The following FAT1 variants were observed in gnomAD, a reference collection of about 807,000 sequenced individuals.
FAT1 encodes FAT atypical cadherin 1, also known as protocadherin Fat 1.
FAT1 carries 171 observed loss-of-function variants against 329.8 expected under a neutral mutation model. That is an observed-to-expected ratio of 0.52 (90% CI 0.46 to 0.59). The LOEUF (loss-of-function observed/expected upper bound fraction) is 0.59, where lower values mean the gene tolerates loss of function less well. FAT1 is among the 20% of genes least tolerant of loss of function. The pLI is 0.00. For missense variants in FAT1, 5,672 were observed against 5,774.4 expected, an observed-to-expected ratio of 0.98 and a Z score of 0.57; for synonymous variants, 2,233 against 2,228.6, an observed-to-expected ratio of 1.00 and a Z score of -0.06.
chr4:186,610,662 T>TTATATAATTTATA lies in FAT1; in HGVS notation c.9854-660_9854-648dup, dbSNP rs1739385421. On this transcript the variant is annotated intron_variant, in intron 14 of 26. Transcript: ENST00000441802. Reference sequence around the variant, plus strand: ...TTTATATAATTTATATAAATATAAATTATATAATTTATATAAATATAAATT... The same window carrying TTATATAATTTATA: ...TTTATATAATTTATATAAATATAAATTATATAATTTATATATATAATTTATATAAATATAAATT... Among the ~76,000 whole-genome samples the TTATATAATTTATA allele has an allele frequency of 1.5e-3, 67 of 43,668 alleles. 1 individual carries two copies. Among genetic ancestry groups the TTATATAATTTATA allele is most frequent in the African/African-American group, 6.1e-3 (65 of 10,656 alleles). The allele number at this position is 43,668 out of a possible 152,430, so 28.6% of individuals were successfully genotyped here.
chr4:186,611,898 A>G (rs1739466216), intron 13 of FAT1, 123 bp from the exon 14 acceptor site: 2 of 675,280 alleles, frequency 3.0e-6, no homozygotes, highest in Non-Finnish European at 4.9e-6. Flanking sequence ...ATCTTGGCTC[A>G]CTGCAACCTC....
In FAT1 at chr4:186,603,169, G is replaced by A. The variant is rs772033371; in HGVS notation, c.11350+7C>T. Reference sequence around the variant, plus strand: ...GACACCGACTTTCATACACTCATGTGCAGTACCTTTGCAGAGACACACCGC... The same window carrying A: ...GACACCGACTTTCATACACTCATGTACAGTACCTTTGCAGAGACACACCGC... On this transcript the variant is annotated splice_region_variant and intron_variant, in intron 19 of 26. Transcript: ENST00000441802. 29 of 1,613,350 alleles carry A rather than the reference G, an allele frequency of 1.8e-5. No individual in the cohort carries two copies. The highest frequency in any genetic ancestry group is 2.3e-5 in the Non-Finnish European group (27 of 1,179,606).
intron 2 of FAT1, among the ~76,000 whole-genome samples, chr4:186,687,218 TAAC>T (rs1371391717): frequency 2.6e-5 from 4 of 152,176 alleles, no homozygotes. Flanking sequence ...GCCACAAAAC[TAAC>T]AACCACTGTT....
chr4:186,649,749 T>C (rs1741546893), intron 3 of FAT1, among the ~76,000 whole-genome samples: 1 of 152,204 alleles, frequency 6.6e-6, no homozygotes, highest in East Asian at 1.9e-4. Context: ...TCCACCTCTG[T>C]CGTTTAAATT....
chr4:186,721,469 T>C (rs777896767), intron 1 of FAT1, among the ~76,000 whole-genome samples: 1 of 152,254 alleles, frequency 6.6e-6, no homozygotes, highest in Non-Finnish European at 1.5e-5. Flanking sequence ...CTTCAACTTC[T>C]ACATAATTTG....
intron 2 of FAT1, among the ~76,000 whole-genome samples, chr4:186,680,089 C>T (rs772222232): frequency 2.0e-5 from 3 of 152,284 alleles, no homozygotes; most frequent in East Asian, 1.9e-4. Context: ...TATCCCAACA[C>T]GACTGCAAAT....
chr4:186,646,807 G>C (rs1444144466), intron 3 of FAT1, among the ~76,000 whole-genome samples: 1 of 151,810 alleles, frequency 6.6e-6, no homozygotes, highest in Non-Finnish European at 1.5e-5. Context: ...CCCGTTCTCT[G>C]CTATGAGTCT....
Position 186,654,263 on chromosome 4 carries a change from A to G in FAT1, c.3580+9036T>C, listed in dbSNP as rs147077596. On this transcript the variant is annotated intron_variant, in intron 3 of 26. Coordinates refer to ENST00000441802, the MANE Select transcript of FAT1 (RefSeq NM_005245.4). Reference sequence around the variant, plus strand: ...ACCATCTCACAGGGCTCTTGTAAAGATGAAGTCTGTGGAAGCTGCTCGTAA... The same window carrying G: ...ACCATCTCACAGGGCTCTTGTAAAGGTGAAGTCTGTGGAAGCTGCTCGTAA... Among the ~76,000 whole-genome samples the G allele has an allele frequency of 3.7e-3, 560 of 152,342 alleles. 4 individuals are homozygous for G. Among genetic ancestry groups the G allele is most frequent in the African/African-American group, 0.012 (517 of 41,562 alleles).
rs543637454 is a variant in FAT1, at chr4:186,707,697, C to A, written c.2131G>T (p.Ala711Ser). The A allele has an allele frequency of 6.2e-7, 1 of 1,613,868 alleles. No individual in the cohort carries two copies. Among genetic ancestry groups the A allele is most frequent in the Non-Finnish European group, 8.5e-7 (1 of 1,179,862 alleles). ...GTGCTTCTAAACTGCGGTATGTGAGCATTGACAGAGTGAGAATCGAAGAAA... is the reference window on the plus strand; with the variant it reads ...GTGCTTCTAAACTGCGGTATGTGAGAATTGACAGAGTGAGAATCGAAGAAA... Reference protein sequence around the residue: ...DIFFDSHSVNAHIPQFRSTLP... With the variant: ...DIFFDSHSVNSHIPQFRSTLP... The change falls in exon 2 of 27, where the codon GCT becomes TCT. Residue 711 changes from alanine to serine, a missense_variant. Coordinates refer to ENST00000441802, the MANE Select transcript of FAT1 (RefSeq NM_005245.4).
chr4:186,710,873 A>C (rs529151657), intron 1 of FAT1, among the ~76,000 whole-genome samples: 1 of 152,352 alleles, frequency 6.6e-6, no homozygotes, highest in East Asian at 1.9e-4. Context: ...AGAGAAACTG[A>C]AGAAATGAAG....
rs749464438 is a variant in FAT1 at position 186,709,569 on chromosome 4, C to T, written c.259G>A (p.Glu87Lys). ...GDSENLFKAE[E>K]YILGDFCFLR... ...AAGCAAAAGTCTCCGAGAATGTACT[C>T]TTCAGCTTTGAACAGGTTTTCACTG... The change falls in exon 2 of 27, where the codon GAG becomes AAG. Residue 87 changes from glutamate to lysine, a missense_variant. Around this residue, in one of 2 missense-constraint regions of FAT1, gnomAD observed 3,966 missense variants for 3,915.2 expected, o/e 1.01. Transcript: ENST00000441802. 5 of 1,614,024 alleles carry T rather than the reference C, an allele frequency of 3.1e-6. No individual in the cohort carries two copies. The highest frequency in any genetic ancestry group is 4.2e-6 in the Non-Finnish European group (5 of 1,179,902).
chr4:186,666,549 T>C (rs1331385450), intron 2 of FAT1, among the ~76,000 whole-genome samples: 1 of 152,234 alleles, frequency 6.6e-6, no homozygotes, highest in Non-Finnish European at 1.5e-5. Flanking sequence ...ACAGGTGAAG[T>C]ATTATTAGAA....
At chr4:186,717,860 C>G (rs1042139088) in intron 1 of FAT1, among the ~76,000 whole-genome samples, 1 of 152,130 alleles carries the variant, frequency 6.6e-6, no homozygotes, top group Non-Finnish European at 1.5e-5. Flanking sequence ...ATCCTCCAAC[C>G]ACTTTCTCCT....
rs762496253 is a variant in FAT1 at position 186,614,238 on chromosome 4, G to A, written c.9182C>T (p.Thr3061Met). ...TTTTTCTGCACCTGAACCCAATAAC[G>A]TGTAAGTAATTTCAGCGTTAGAGCG... is the stretch of plus-strand genomic sequence containing the variant. ...DIRSNAEITYTLLGSGAEKFK... is the reference protein window; with the variant it reads ...DIRSNAEITYMLLGSGAEKFK... Residue 3061 changes from threonine (T) to methionine (M), a missense_variant, in exon 12 of 27, where the codon ACG (threonine) becomes ATG (methionine). Thr to Met is a moderately conservative substitution (Grantham distance 81). Around this residue, in one of 2 missense-constraint regions of FAT1, gnomAD observed 3,966 missense variants for 3,915.2 expected, o/e 1.01. Transcript: ENST00000441802. 23 of 1,601,206 alleles carry A rather than the reference G, an allele frequency of 1.4e-5. No individual in the cohort carries two copies. The highest frequency in any genetic ancestry group is 2.3e-5 in the South Asian group (2 of 87,876).
Position 186,621,200 on chromosome 4 carries a change from C to A in FAT1, c.5386G>T (p.Ala1796Ser), listed in dbSNP as rs1444414689. 1.2e-6 allele frequency: 2 copies of A among 1,613,890 alleles called. No individual in the cohort carries two copies. The highest frequency in any genetic ancestry group is 1.7e-6 in the Non-Finnish European group (2 of 1,179,894). The change falls in exon 10 of 27, where the codon GCA becomes TCA. Residue 1796 changes from alanine (A) to serine (S), a missense_variant. This residue lies in a region of FAT1 where 3,966 missense variants were observed against 3,915.2 expected (regional missense o/e 1.01). Transcript: ENST00000441802. ...TDRNVPLVIR[A>S]ADADKDSNAL... ...TTTGAGTCTTTATCAGCATCAGCTGCTCGAATCACCAGTGGGACATTCCTG... is the reference window on the plus strand; with the variant it reads ...TTTGAGTCTTTATCAGCATCAGCTGATCGAATCACCAGTGGGACATTCCTG...
intron 2 of FAT1, among the ~76,000 whole-genome samples, chr4:186,673,898 G>C (rs1742839554): frequency 6.6e-6 from 1 of 152,176 alleles, no homozygotes; most frequent in Admixed American, 6.5e-5. Flanking sequence ...GGCTTTTGTG[G>C]ATAAGCTCTA....
At chr4:186,600,418 C>G (rs2126415945) in intron 21 of FAT1, 58 bp from the exon 22 acceptor site, 1 of 1,421,566 alleles carries the variant, frequency 7.0e-7, no homozygotes, top group East Asian at 2.4e-5. Context: ...ATGAGAGCAC[C>G]TGATCACAAA....
chr4:186,667,621 A>AG (rs1459881483), intron 2 of FAT1, among the ~76,000 whole-genome samples: 1 of 152,220 alleles, frequency 6.6e-6, no homozygotes, highest in African/African-American at 2.4e-5. Flanking sequence ...AAGGGAGAGG[A>AG]GGGCACACCG....
intron 9 of FAT1, among the ~76,000 whole-genome samples, chr4:186,623,717 C>G (rs1740157263): frequency 6.6e-6 from 1 of 152,192 alleles, no homozygotes. Context: ...CAGGAGAGCA[C>G]ACTCATCTCA....
Sources: gnomAD v4.1 joint callset for allele counts (sites outside exome capture counted in the v4.1 genomes callset) on GRCh38, gnomAD v4.1.1 for gene constraint, gnomAD v4.1.1 regional missense constraint, MANE v1.5 for transcripts, NCBI Gene and HGNC (gene_info 2026-07-23, HGNC 2026-07-21) for gene names.